UNC13A: variants seen among roughly 807,000 people sequenced by gnomAD.
UNC13A encodes the protein unc-13 homolog A, also known as protein unc-13 homolog A.
A neutral mutation model predicts 219.7 loss-of-function variants in UNC13A; 61 were observed. That is an observed-to-expected ratio of 0.28 (90% CI 0.23 to 0.34). UNC13A has a LOEUF of 0.34. UNC13A is among the 10% of genes least tolerant of loss of function. UNC13A has a pLI of 1.00. For missense variants in UNC13A, 1,476 were observed against 2,270.3 expected (o/e 0.65, Z 7.11); for synonymous variants, 920 against 884.6 (o/e 1.04, Z -0.71).
rs60048755 is a variant in UNC13A, at chr19:17,630,241, A to G, written c.3573T>C (p.Asp1191=). ...AGCTCTGGTTGAGTTGGGAGAAAACATCCACCACGGAGCAGGAGAATAGGG... is the reference window on the plus strand; with the variant it reads ...AGCTCTGGTTGAGTTGGGAGAAAACGTCCACCACGGAGCAGGAGAATAGGG... The part of the protein sequence containing the change: ...EHALFSCSVV[D]VFSQLNQSFE... The change falls in exon 30 of 44, where the codon GAT becomes GAC. Residue 1191 remains aspartate, a synonymous_variant. Coordinates refer to ENST00000519716, the MANE Select transcript of UNC13A (RefSeq NM_001080421.3). 13,144 of 1,558,416 alleles carry G rather than the reference A, an allele frequency of 8.4e-3. 871 individuals carry two copies. The African/African-American group carries it at 0.15, about 18-fold the overall frequency.
chr19:17,623,355 T>A, intron 36 of UNC13A, 187 bp downstream of exon 36: 1 of 511,344 alleles, frequency 2.0e-6, no homozygotes, highest in Non-Finnish European at 3.4e-6. Flanking sequence ...GTGGTCTCCC[T>A]CCCTCCCAGC....
rs780691845 is a variant in UNC13A at position 17,605,900 on chromosome 19, G to A, written c.*154C>T. The A allele has an allele frequency of 8.4e-6, 6 of 712,576 alleles. No homozygotes were observed. The South Asian group carries it at 1.8e-4, about 22-fold the overall frequency. 44.1% of individuals were successfully genotyped at this position (712,576 alleles called of 1,614,324 possible). A position where few individuals can be genotyped will look rare whatever the true frequency, so the allele number is the denominator to read the frequency against. On this transcript the variant is annotated 3_prime_UTR_variant, in exon 44 of 44. Coordinates refer to ENST00000519716, the MANE Select transcript of UNC13A (RefSeq NM_001080421.3). ...ATCCTCCATTCCTAATTCCCCAAAA[G>A]GGAAAGCTGAGTCAAGGGCGTAGGC...
At chr19:17,628,259 C>T in intron 31 of UNC13A, 2 of 396,564 alleles carry the variant, frequency 5.0e-6, no homozygotes, top group East Asian at 4.7e-5. Flanking sequence ...AGCTTTGCAG[C>T]TCACACCCTG....
At chr19:17,615,683 AAAC>A (rs1177635546) in intron 41 of UNC13A, among the ~76,000 whole-genome samples, 8 of 151,042 alleles carry the variant, frequency 5.3e-5, no homozygotes, top group East Asian at 1.9e-4. Flanking sequence ...ACTCTGTCTC[AAAC>A]AACAACAACA....
At chr19:17,643,308 G>A (rs1389772783) in intron 19 of UNC13A, among the ~76,000 whole-genome samples, 2 of 150,644 alleles carry the variant, frequency 1.3e-5, no homozygotes, top group Admixed American at 6.7e-5. Context: ...CACCGCGCCC[G>A]GCCAGCCATG....
At chr19:17,682,672 G>A (rs1052372558) in intron 1 of UNC13A, among the ~76,000 whole-genome samples, 1 of 152,186 alleles carries the variant, frequency 6.6e-6, no homozygotes, top group Admixed American at 6.5e-5. Context: ...AGCCAGGAAC[G>A]GAGGGATGTG....
Position 17,611,851 on chromosome 19 carries a change from C to T in UNC13A, c.4563G>A (p.Leu1521=). 1.9e-6 allele frequency: 3 copies of T among 1,613,848 alleles called. No homozygotes were observed. Among genetic ancestry groups the T allele is most frequent in the Non-Finnish European group, 1.7e-6 (2 of 1,179,762 alleles). ...CTTCACCCACAGGGTCTTCTACACC[C>T]AAGCCTGGGCAGGGCAGGGGAGGAT... The part of the protein sequence containing the change: ...TFVQTQSAQG[L]GVEDPVGEVS... The change falls in exon 42 of 44, where the codon TTG becomes TTA. Residue 1521 remains leucine (L), a synonymous_variant. Transcript: ENST00000519716.
intron 31 of UNC13A, 182 bp from the exon 32 acceptor site, chr19:17,628,122 G>A (rs1164199381): frequency 9.7e-6 from 6 of 619,404 alleles, no homozygotes; most frequent in African/African-American, 7.4e-5. Context: ...TGTTGTTGGG[G>A]CGGGCATCTC....
intron 28 of UNC13A, among the ~76,000 whole-genome samples, chr19:17,632,444 G>A (rs954185120): frequency 3.3e-5 from 5 of 152,206 alleles, no homozygotes; most frequent in African/African-American, 1.2e-4. Context: ...AGATTGCCGG[G>A]GCTACAGGCA....
At chr19:17,670,725 G>A (rs1271810722) in intron 4 of UNC13A, among the ~76,000 whole-genome samples, 1 of 151,776 alleles carries the variant, frequency 6.6e-6, no homozygotes, top group African/African-American at 2.4e-5. Context: ...CCAACATGGC[G>A]AAACCCCATC....
Position 17,616,147 on chromosome 19 carries a change from G to A in UNC13A, c.4558+1555C>T, listed in dbSNP as rs550430384. Among the ~76,000 whole-genome samples the A allele has an allele frequency of 9.2e-5, 14 of 152,316 alleles. No individual in the cohort carries two copies. In the South Asian group the frequency reaches 2.9e-3, roughly 32 times the overall value. Reference sequence around the variant, plus strand: ...TAACCTGACAGGTGCCTGTCCCGGGGTCCCAGGATCTGGCTTAAAAAATAT... The same window carrying A: ...TAACCTGACAGGTGCCTGTCCCGGGATCCCAGGATCTGGCTTAAAAAATAT... On this transcript the variant is annotated intron_variant, in intron 41 of 43. Transcript: ENST00000519716.
intron 8 of UNC13A, among the ~76,000 whole-genome samples, chr19:17,658,805 T>C (rs2079505287): frequency 6.6e-6 from 1 of 152,212 alleles, no homozygotes; most frequent in Non-Finnish European, 1.5e-5. Flanking sequence ...GACATGGTTC[T>C]GTCTTTTTCA....
chr19:17,647,184 G>C, intron 17 of UNC13A, 81 bp downstream of exon 17: 1 of 1,326,580 alleles, frequency 7.5e-7, no homozygotes. Flanking sequence ...AAAGGAGAGG[G>C]ACCAGGCCAT....
rs1377171822 is a variant in UNC13A at position 17,605,823 on chromosome 19, T to C, written c.*231A>G. 1 of 457,424 alleles carries C rather than the reference T, an allele frequency of 2.2e-6. No homozygotes were observed. Among genetic ancestry groups the C allele is most frequent in the Non-Finnish European group, 3.8e-6 (1 of 265,944 alleles). The allele number at this position is 457,424 out of a possible 1,614,324, so 28.3% of individuals were successfully genotyped here. ...GGGGCGTGGCCTCAAGTTGGGGATGTGGCTCCTTCCTTCGTCGCGCCCTTG... is the reference window on the plus strand; with the variant it reads ...GGGGCGTGGCCTCAAGTTGGGGATGCGGCTCCTTCCTTCGTCGCGCCCTTG... On this transcript the variant is annotated 3_prime_UTR_variant, in exon 44 of 44. Coordinates refer to ENST00000519716, the MANE Select transcript of UNC13A (RefSeq NM_001080421.3).
At chr19:17,678,750 G>T (rs1164508972) in intron 1 of UNC13A, among the ~76,000 whole-genome samples, 1 of 151,910 alleles carries the variant, frequency 6.6e-6, no homozygotes, top group Non-Finnish European at 1.5e-5. Context: ...GCAGGCGTGG[G>T]GACTCTCTGT....
intron 43 of UNC13A, 39 bp from the exon 44 acceptor site, chr19:17,606,393 T>TGTCTC (rs750918606): frequency 6.5e-7 from 1 of 1,531,768 alleles, no homozygotes; most frequent in South Asian, 1.2e-5. Context: ...AGGCCACACC[T>TGTCTC]ACTGTGATGC....
chr19:17,625,629 C>T (rs2076774254), intron 34 of UNC13A, among the ~76,000 whole-genome samples: 1 of 152,114 alleles, frequency 6.6e-6, no homozygotes. Flanking sequence ...GTCCATTCAT[C>T]CATCTGTCCA....
chr19:17,669,304 G>A (rs550696356), intron 5 of UNC13A, among the ~76,000 whole-genome samples: 2 of 152,240 alleles, frequency 1.3e-5, no homozygotes, highest in South Asian at 4.1e-4. Flanking sequence ...AACCCTGAAC[G>A]CCCTCGGTCG....
chr19:17,684,029 A>G (rs1355927968), intron 1 of UNC13A, among the ~76,000 whole-genome samples: 1 of 152,170 alleles, frequency 6.6e-6, no homozygotes, highest in Non-Finnish European at 1.5e-5. Context: ...CCTGGAGGTC[A>G]AGGCTGCAGC....
Sources: gnomAD v4.1 joint callset for allele counts (sites outside exome capture counted in the v4.1 genomes callset) on GRCh38, gnomAD v4.1.1 for gene constraint, MANE v1.5 for transcripts, NCBI Gene and HGNC (gene_info 2026-07-23, HGNC 2026-07-21) for gene names.